The following GALNT10 variants were observed in gnomAD, a reference collection of about 807,000 sequenced individuals.
GALNT10 encodes the protein polypeptide N-acetylgalactosaminyltransferase 10.
Under a neutral mutation model 75.0 loss-of-function variants are expected in GALNT10, and 41 were observed. The ratio of observed to expected loss-of-function variants is 0.55; its 90% CI spans 0.43 to 0.71. The LOEUF is 0.71. Ranked by LOEUF, GALNT10 falls within the 30% of genes least tolerant of loss-of-function variation. The pLI is 0.00. For synonymous variants in GALNT10, 302 were observed against 313.0 expected (o/e 0.96, Z 0.37); for missense variants, 727 against 818.5 (o/e 0.89, Z 1.36).
chr5:154,386,378 A>G lies in GALNT10; in HGVS notation c.1004A>G (p.Tyr335Cys). ...AAGTGGTTCTGGGAACTCGGCGGGT[A>G]TGACCCAGGCTTGGAGATCTGGGGA... The part of the protein sequence containing the change: ...DRKWFWELGG[Y>C]DPGLEIWGGE... The change falls in exon 7 of 12, where the codon TAT becomes TGT. Residue 335 changes from tyrosine to cysteine, a missense_variant. Tyr to Cys is a radical substitution (Grantham distance 194, BLOSUM62 -2). Coordinates refer to ENST00000297107, the MANE Select transcript of GALNT10 (RefSeq NM_198321.4). The G allele has an allele frequency of 6.2e-7, 1 of 1,614,028 alleles. No individual in the cohort carries two copies. The highest frequency in any genetic ancestry group is 1.7e-5 in the Admixed American group (1 of 60,010).
chr5:154,294,698 AG>A (rs1463402853), intron 1 of GALNT10, 117 bp from the exon 2 acceptor site: 8 of 576,556 alleles, frequency 1.4e-5, no homozygotes, highest in Non-Finnish European at 2.5e-5. Flanking sequence ...GAGTGGATAA[AG>A]GAACCCAGGA....
chr5:154,279,292 TGTTG>T (rs1344684673), intron 1 of GALNT10, among the ~76,000 whole-genome samples: 2 of 144,100 alleles, frequency 1.4e-5, no homozygotes, highest in East Asian at 3.9e-4. Flanking sequence ...TTGTTGTTGT[TGTTG>T]TTGTTTTGTT....
At chr5:154,200,319 A>G (rs976646352) in intron 1 of GALNT10, among the ~76,000 whole-genome samples, 3 of 152,210 alleles carry the variant, frequency 2.0e-5, no homozygotes, top group African/African-American at 4.8e-5. Context: ...GTGTTTGTGT[A>G]GGTCTCCCTT....
At chr5:154,371,558 GTGTGTACACAC>G (rs1003951705) in intron 4 of GALNT10, among the ~76,000 whole-genome samples, 3 of 51,978 alleles carry the variant, frequency 5.8e-5, no homozygotes, top group African/African-American at 1.6e-4. Flanking sequence ...GTGTGTGTGT[GTGTGTACACAC>G]ACACACACAC....
intron 1 of GALNT10, among the ~76,000 whole-genome samples, chr5:154,207,673 G>C (rs1775132125): frequency 6.6e-6 from 1 of 152,186 alleles, no homozygotes; most frequent in Non-Finnish European, 1.5e-5. Context: ...GCCAGACAGG[G>C]AAATGGCTGG....
At chr5:154,191,251 C>T (rs1774854309) in intron 1 of GALNT10, among the ~76,000 whole-genome samples, 1 of 152,200 alleles carries the variant, frequency 6.6e-6, no homozygotes, top group African/African-American at 2.4e-5. Context: ...CGCTATTTCT[C>T]ACCACATGTT....
chr5:154,299,860 G>C (rs2113081094), intron 3 of GALNT10, among the ~76,000 whole-genome samples: 1 of 146,674 alleles, frequency 6.8e-6, no homozygotes, highest in African/African-American at 2.5e-5. Context: ...TTTGAGACAG[G>C]GTCTCGCCCT....
chr5:154,210,632 C>T (rs768920825), intron 1 of GALNT10, among the ~76,000 whole-genome samples: 2 of 152,164 alleles, frequency 1.3e-5, no homozygotes, highest in Admixed American at 6.5e-5. Context: ...TGGCTGTATC[C>T]GTTTTCCCCC....
chr5:154,243,884 G>A (rs1753378134), intron 1 of GALNT10, among the ~76,000 whole-genome samples: 1 of 152,194 alleles, frequency 6.6e-6, no homozygotes, highest in South Asian at 2.1e-4. Context: ...TCAGCCACTG[G>A]TGGCTTAATA....
At chr5:154,395,561 T>C (rs1306953136) in intron 7 of GALNT10, among the ~76,000 whole-genome samples, 1 of 152,232 alleles carries the variant, frequency 6.6e-6, no homozygotes, top group Non-Finnish European at 1.5e-5. Flanking sequence ...GGGCTGTGGT[T>C]GCAGGAAGAC....
chr5:154,407,631 A>G (rs2113217121), intron 8 of GALNT10, among the ~76,000 whole-genome samples: 1 of 152,338 alleles, frequency 6.6e-6, no homozygotes, highest in African/African-American at 2.4e-5. Flanking sequence ...ACAGTGAGCC[A>G]AAAGAGCCTG....
rs1298710846 is a variant in GALNT10, at chr5:154,402,960, T to C, written c.1057-1144T>C. ...GGAGGCATCTACACAGGGGCACAAA[T>C]ACGAGGAGGCAGGGATTGTGAGGCC... is the stretch of plus-strand genomic sequence containing the variant. On this transcript the variant is annotated intron_variant, in intron 7 of 11. Coordinates refer to ENST00000297107, the MANE Select transcript of GALNT10 (RefSeq NM_198321.4). The surrounding 1 kb of genome is among the most constrained non-coding windows in gnomAD (Gnocchi z 4.2). 3.3e-5 allele frequency: 5 copies of C among 152,390 alleles called. No homozygotes were observed. Among genetic ancestry groups the C allele is most frequent in the Admixed American group, 3.3e-4 (5 of 15,284 alleles). The allele number at this position is 152,390 out of a possible 1,614,324, so 9.4% of individuals were successfully genotyped here.
chr5:154,234,994 C>A (rs1163875305), intron 1 of GALNT10, among the ~76,000 whole-genome samples: 1 of 152,176 alleles, frequency 6.6e-6, no homozygotes, highest in Non-Finnish European at 1.5e-5. Flanking sequence ...CCTTCCACAA[C>A]TTTACTGAAA....
chr5:154,252,602 A>T (rs1753540271), intron 1 of GALNT10, among the ~76,000 whole-genome samples: 1 of 150,068 alleles, frequency 6.7e-6, no homozygotes, highest in Non-Finnish European at 1.5e-5. Flanking sequence ...ATCTAAAAGG[A>T]TGTTCCCTCC....
At chr5:154,203,762 G>A (rs1775063556) in intron 1 of GALNT10, among the ~76,000 whole-genome samples, 1 of 152,238 alleles carries the variant, frequency 6.6e-6, no homozygotes, top group Admixed American at 6.5e-5. Flanking sequence ...TGAGGCTCCA[G>A]CTGGGAAGAA....
chr5:154,306,154 C>T (rs1754429692), intron 3 of GALNT10, among the ~76,000 whole-genome samples: 3 of 152,146 alleles, frequency 2.0e-5, no homozygotes, highest in Admixed American at 1.3e-4. Flanking sequence ...AGTAGACTCT[C>T]ACAGCACTGT....
At chr5:154,281,744 C>G (rs945696585) in intron 1 of GALNT10, among the ~76,000 whole-genome samples, 6 of 152,194 alleles carry the variant, frequency 3.9e-5, no homozygotes, top group Non-Finnish European at 5.9e-5. Flanking sequence ...ATTTTTCTCT[C>G]ACTTCAAAGT....
chr5:154,260,934 T>C (rs1162356104), intron 1 of GALNT10, among the ~76,000 whole-genome samples: 2 of 152,150 alleles, frequency 1.3e-5, no homozygotes, highest in Non-Finnish European at 2.9e-5. Context: ...AGGGAATGTA[T>C]AAATACTGCT....
chr5:154,385,307 C>T (rs563499569), intron 6 of GALNT10, among the ~76,000 whole-genome samples: 3 of 152,340 alleles, frequency 2.0e-5, no homozygotes, highest in South Asian at 2.1e-4. Flanking sequence ...AGCAGCATGA[C>T]GTTTCCTCAC....
Sources: allele counts gnomAD v4.1 joint callset (sites outside exome capture counted in the v4.1 genomes callset), GRCh38; gene constraint gnomAD v4.1.1; non-coding constraint Gnocchi (gnomAD v3.1); transcripts MANE v1.5; gene names NCBI Gene and HGNC (gene_info 2026-07-23, HGNC 2026-07-21).